Variants in ARFIP1 observed in about 807,000 individuals in gnomAD.
ARFIP1 encodes arfaptin-1.
Under a neutral mutation model 42.5 loss-of-function variants are expected in ARFIP1, and 24 were observed. The ratio of observed to expected loss-of-function variants is 0.57; its 90% CI spans 0.41 to 0.80. ARFIP1 has a LOEUF of 0.80. Ranked by LOEUF, ARFIP1 falls within the 30% of genes least tolerant of loss-of-function variation. The pLI, the probability that ARFIP1 is intolerant of heterozygous loss-of-function variation, is 0.00. For missense variants in ARFIP1, 354 were observed against 434.0 expected, an observed-to-expected ratio of 0.82 and a Z score of 1.64; for synonymous variants, 141 against 153.7, an observed-to-expected ratio of 0.92 and a Z score of 0.61.
At chr4:152,856,782 A>G (rs946636197) in intron 2 of ARFIP1, among the ~76,000 whole-genome samples, 6 of 152,234 alleles carry the variant, frequency 3.9e-5, no homozygotes, top group Non-Finnish European at 8.8e-5. Flanking sequence ...TCACTAAAAC[A>G]TAAGCCACTG....
intron 1 of ARFIP1, among the ~76,000 whole-genome samples, chr4:152,814,097 C>CTTTT (rs67593845): frequency 1.5e-4 from 17 of 110,886 alleles, no homozygotes; most frequent in South Asian, 2.9e-4. Flanking sequence ...TCTTCTTCTT[C>CTTTT]TTTTTTTTTT....
At chr4:152,786,680 G>A (rs1367446412) in intron 1 of ARFIP1, among the ~76,000 whole-genome samples, 1 of 152,122 alleles carries the variant, frequency 6.6e-6, no homozygotes, top group Non-Finnish European at 1.5e-5. Flanking sequence ...CTCCCCCAGT[G>A]CTTTTATGGC....
intron 8 of ARFIP1, among the ~76,000 whole-genome samples, chr4:152,904,009 T>G (rs1424498908): frequency 6.6e-6 from 1 of 152,042 alleles, no homozygotes; most frequent in Non-Finnish European, 1.5e-5. Context: ...TTTTATTCTC[T>G]CCTCTAATTC....
intron 1 of ARFIP1, chr4:152,807,247 A>C (rs1281516226): frequency 1.3e-5 from 2 of 151,636 alleles, no homozygotes; most frequent in African/African-American, 4.9e-5. Flanking sequence ...ACATGTCTAC[A>C]AGTAAGGACG....
intron 2 of ARFIP1, among the ~76,000 whole-genome samples, chr4:152,830,095 A>G (rs1731152458): frequency 6.6e-6 from 1 of 152,192 alleles, no homozygotes; most frequent in African/African-American, 2.4e-5. Context: ...ATTTCTAAAT[A>G]GCCACTTCTG....
Position 152,912,185 on chromosome 4 carries a change from A to G in ARFIP1, c.*1966A>G, listed in dbSNP as rs1398768600. The G allele has an allele frequency of 6.6e-6, 1 of 152,154 alleles. No homozygotes were observed. The highest frequency in any genetic ancestry group is 2.4e-5 in the African/African-American group (1 of 41,444). The allele number at this position is 152,154 out of a possible 1,614,324, so 9.4% of individuals were successfully genotyped here. On this transcript the variant is annotated 3_prime_UTR_variant, in exon 9 of 9. Coordinates refer to ENST00000353617, the MANE Select transcript of ARFIP1 (RefSeq NM_001025595.3). Reference sequence around the variant, plus strand: ...TAAATTTAAAATATCCATGATTCTGATAGTGGGCACATGACCAAAAGAAAA... The same window carrying G: ...TAAATTTAAAATATCCATGATTCTGGTAGTGGGCACATGACCAAAAGAAAA...
At chr4:152,826,573 C>T (rs1361341258) in intron 1 of ARFIP1, among the ~76,000 whole-genome samples, 2 of 152,088 alleles carry the variant, frequency 1.3e-5, no homozygotes, top group Non-Finnish European at 2.9e-5. Flanking sequence ...TTCCCTACTA[C>T]GTACTTCATC....
chr4:152,833,661 T>TA (rs1349823052), intron 2 of ARFIP1, among the ~76,000 whole-genome samples: 1 of 152,130 alleles, frequency 6.6e-6, no homozygotes, highest in Non-Finnish European at 1.5e-5. Context: ...TACATACACA[T>TA]ACACCCACAG....
chr4:152,889,836 C>T (rs981855144), intron 8 of ARFIP1, among the ~76,000 whole-genome samples: 2 of 98,814 alleles, frequency 2.0e-5, no homozygotes, highest in East Asian at 2.7e-4. Flanking sequence ...ATACTATATA[C>T]TATATATATA....
chr4:152,895,760 CTA>C (rs1299577818), intron 8 of ARFIP1, among the ~76,000 whole-genome samples: 1 of 151,916 alleles, frequency 6.6e-6, no homozygotes, highest in Non-Finnish European at 1.5e-5. Context: ...CAGAGTTTCA[CTA>C]TGTTGCCCAG....
chr4:152,820,329 A>C (rs1225037530), intron 1 of ARFIP1, among the ~76,000 whole-genome samples: 1 of 152,156 alleles, frequency 6.6e-6, no homozygotes, highest in Non-Finnish European at 1.5e-5. Context: ...TGGGGAAAAA[A>C]ATTTAGAAAG....
At chr4:152,902,523 G>T (rs1159361911) in intron 8 of ARFIP1, among the ~76,000 whole-genome samples, 2 of 152,040 alleles carry the variant, frequency 1.3e-5, no homozygotes, top group African/African-American at 2.4e-5. Flanking sequence ...TGGGCGGGGG[G>T]AGACTAAACA....
chr4:152,838,189 T>C (rs1453544921), intron 2 of ARFIP1, among the ~76,000 whole-genome samples: 1 of 152,228 alleles, frequency 6.6e-6, no homozygotes, highest in Non-Finnish European at 1.5e-5. Context: ...TATAGTATAG[T>C]TTGAAATCAG....
At chr4:152,855,617 T>A (rs1414820114) in intron 2 of ARFIP1, among the ~76,000 whole-genome samples, 1 of 152,218 alleles carries the variant, frequency 6.6e-6, no homozygotes, top group Non-Finnish European at 1.5e-5. Flanking sequence ...TGAGATCTGT[T>A]GGGAGCAGAG....
chr4:152,903,237 A>G (rs1046689975), intron 8 of ARFIP1, among the ~76,000 whole-genome samples: 1 of 152,200 alleles, frequency 6.6e-6, no homozygotes, highest in African/African-American at 2.4e-5. Flanking sequence ...GAATGTTCAT[A>G]TTGAGGATTG....
chr4:152,877,764 T>C (rs1291288608), intron 5 of ARFIP1, among the ~76,000 whole-genome samples: 2 of 152,142 alleles, frequency 1.3e-5, no homozygotes, highest in South Asian at 4.1e-4. Flanking sequence ...GGGCCGGTCT[T>C]GTCTGTGCTA....
intron 1 of ARFIP1, among the ~76,000 whole-genome samples, chr4:152,782,864 G>A (rs1179377523): frequency 1.3e-5 from 2 of 152,052 alleles, no homozygotes; most frequent in African/African-American, 2.4e-5. Flanking sequence ...AGTTCTAAAG[G>A]TCTGATACTT....
chr4:152,899,684 T>C (rs1473511458), intron 8 of ARFIP1, among the ~76,000 whole-genome samples: 1 of 152,214 alleles, frequency 6.6e-6, no homozygotes, highest in Non-Finnish European at 1.5e-5. Flanking sequence ...ATGTTGTGAT[T>C]GCCTGCTAGT....
At chr4:152,816,480 C>T (rs1228085538) in intron 1 of ARFIP1, among the ~76,000 whole-genome samples, 1 of 152,188 alleles carries the variant, frequency 6.6e-6, no homozygotes, top group Non-Finnish European at 1.5e-5. Flanking sequence ...GTCTTTATGA[C>T]TTACTCCCTC....
Sources: allele counts gnomAD v4.1 joint callset (sites outside exome capture counted in the v4.1 genomes callset), GRCh38; gene constraint gnomAD v4.1.1; transcripts MANE v1.5; gene names NCBI Gene and HGNC (gene_info 2026-07-23, HGNC 2026-07-21).